The following FHIT variants were observed in gnomAD, a reference collection of about 807,000 sequenced individuals.
FHIT encodes fragile histidine triad diadenosine triphosphatase.
FHIT carries 19 observed loss-of-function variants against 17.9 expected under a neutral mutation model. The observed-to-expected ratio is 1.06, with a 90% confidence interval of 0.74 to 1.56. The LOEUF is 1.56. Among genes scored for constraint, FHIT ranks in the 40% most tolerant of loss-of-function variants. The probability of loss-of-function intolerance (pLI) is 0.00; values close to 1 mark genes in which losing one functional copy is unlikely to be tolerated. For missense variants in FHIT, 248 were observed against 189.2 expected (o/e 1.31, Z -1.82); for synonymous variants, 81 against 69.7 (o/e 1.16, Z -0.81).
chr3:60,946,660 G>T (rs1193272445), intron 3 of FHIT, among the ~76,000 whole-genome samples: 2 of 152,226 alleles, frequency 1.3e-5, no homozygotes, highest in Non-Finnish European at 2.9e-5. Flanking sequence ...GAGTTTTATG[G>T]CATGTGCTTT....
At chr3:59,996,144 C>G (rs1333200420) in intron 7 of FHIT, among the ~76,000 whole-genome samples, 1 of 152,060 alleles carries the variant, frequency 6.6e-6, no homozygotes, top group Non-Finnish European at 1.5e-5. Flanking sequence ...AGAGACCTCC[C>G]CATTCGTGCT....
intron 2 of FHIT, among the ~76,000 whole-genome samples, chr3:61,185,431 C>G (rs1013615368): frequency 2.0e-5 from 3 of 152,190 alleles, no homozygotes; most frequent in African/African-American, 7.2e-5. Flanking sequence ...TGATCATCAT[C>G]ATACGAACTT....
intron 5 of FHIT, among the ~76,000 whole-genome samples, chr3:60,180,216 C>T (rs1043383404): frequency 6.6e-5 from 10 of 152,046 alleles, no homozygotes; most frequent in Non-Finnish European, 1.3e-4. Context: ...AGGAAGATCA[C>T]GGGCAGCAAA....
At position 60,165,115 on chromosome 3, in the gene FHIT, G is replaced by C. The variant is rs569905283; in HGVS notation, c.104-150963C>G. On this transcript the variant is annotated intron_variant, in intron 5 of 9. Coordinates refer to ENST00000492590, the MANE Select transcript of FHIT (RefSeq NM_002012.4). ...TGAGTCAGATGGGAGCCAAAAGGAAGTGATGAGGATGATGACAAACAGGAA... is the reference window on the plus strand; with the variant it reads ...TGAGTCAGATGGGAGCCAAAAGGAACTGATGAGGATGATGACAAACAGGAA... 1.1e-4 allele frequency among the ~76,000 whole-genome samples: 17 copies of C among 152,302 alleles called. No individual in the cohort carries two copies. In the South Asian group the frequency reaches 3.5e-3, roughly 32 times the overall value.
At chr3:59,980,649 T>G (rs924676740) in intron 7 of FHIT, among the ~76,000 whole-genome samples, 1 of 152,114 alleles carries the variant, frequency 6.6e-6, no homozygotes, top group Non-Finnish European at 1.5e-5. Flanking sequence ...GGATAGCTTG[T>G]CCCACAAGGA....
chr3:60,252,219 A>G (rs1274978731), intron 5 of FHIT, among the ~76,000 whole-genome samples: 1 of 152,190 alleles, frequency 6.6e-6, no homozygotes, highest in African/African-American at 2.4e-5. Context: ...GAGAGGAAAT[A>G]AAGTCTACAC....
At chr3:60,692,809 T>G (rs1553699795) in intron 4 of FHIT, among the ~76,000 whole-genome samples, 17 of 152,254 alleles carry the variant, frequency 1.1e-4, no homozygotes. Flanking sequence ...ATTTGCATTC[T>G]TCACATGCAT....
chr3:60,507,156 A>G (rs1023401153), intron 5 of FHIT, among the ~76,000 whole-genome samples: 11 of 152,342 alleles, frequency 7.2e-5, no homozygotes, highest in African/African-American at 2.6e-4. Flanking sequence ...CTGAGGTTTC[A>G]AAAGAGCCCT....
At chr3:60,608,993 G>T (rs2856035) in intron 4 of FHIT, among the ~76,000 whole-genome samples, 134,332 of 151,214 alleles carry the variant, frequency 0.89, 59,700 homozygotes, top group Admixed American at 0.9. Context: ...TTAAATATAT[G>T]AATGCATATG....
chr3:59,835,338 C>A (rs1213527768), intron 8 of FHIT, among the ~76,000 whole-genome samples: 1 of 152,082 alleles, frequency 6.6e-6, no homozygotes, highest in Non-Finnish European at 1.5e-5. Context: ...AGCTTTCTAC[C>A]CTTTCCCGCC....
At chr3:61,140,319 A>C (rs2037043937) in intron 2 of FHIT, among the ~76,000 whole-genome samples, 2 of 152,216 alleles carry the variant, frequency 1.3e-5, no homozygotes, top group African/African-American at 4.8e-5. Context: ...AAGGAAAAAA[A>C]TATAGAATAA....
chr3:60,772,102 T>C (rs1700063304), intron 4 of FHIT, among the ~76,000 whole-genome samples: 1 of 151,932 alleles, frequency 6.6e-6, no homozygotes, highest in Admixed American at 6.6e-5. Flanking sequence ...CCAATAAATA[T>C]GTCTAGACTC....
intron 8 of FHIT, among the ~76,000 whole-genome samples, chr3:59,793,559 CT>C (rs1333852407): frequency 6.6e-6 from 1 of 150,904 alleles, no homozygotes; most frequent in Non-Finnish European, 1.5e-5. Flanking sequence ...AACCTTCCCC[CT>C]CTTCCCCTCT....
chr3:60,621,053 T>C lies in FHIT; in HGVS notation c.-17-84074A>G, dbSNP rs138541869. Among the ~76,000 whole-genome samples the C allele has an allele frequency of 1.1e-3, 175 of 152,176 alleles. 1 individual carries two copies. The highest frequency in any genetic ancestry group is 7.4e-5 in the Non-Finnish European group (5 of 68,014). On this transcript the variant is annotated intron_variant, in intron 4 of 9. Transcript: ENST00000492590. ...TCAGAAGTATCCAGACTAAAACATT[T>C]AACTCCCAAGTGATGTTTTCACACC...
intron 4 of FHIT, among the ~76,000 whole-genome samples, chr3:60,561,850 CT>C (rs2036959564): frequency 1.3e-5 from 2 of 151,424 alleles, no homozygotes; most frequent in South Asian, 2.1e-4. Context: ...AACATTCTCT[CT>C]TTTTTATTGC....
chr3:60,977,660 T>C lies in FHIT; in HGVS notation c.-111+64387A>G, dbSNP rs112396246. On this transcript the variant is annotated intron_variant, in intron 3 of 9. Transcript: ENST00000492590. ...GCTGAGATGGGCAAATCACCTGAGG[T>C]CGGGAGTTCGAGACCAGGCTGACCA... 1.9e-3 allele frequency among the ~76,000 whole-genome samples: 295 copies of C among 152,058 alleles called. 2 individuals are homozygous for C. Among genetic ancestry groups the C allele is most frequent in the African/African-American group, 5.5e-3 (230 of 41,490 alleles).
intron 2 of FHIT, among the ~76,000 whole-genome samples, chr3:61,184,812 G>C (rs144894859): frequency 7.2e-5 from 11 of 152,268 alleles, no homozygotes; most frequent in African/African-American, 2.4e-4. Flanking sequence ...CTAGACCTCA[G>C]AATCCACTCT....
intron 5 of FHIT, among the ~76,000 whole-genome samples, chr3:60,392,793 C>T (rs527330372): frequency 1.1e-3 from 174 of 152,214 alleles, no homozygotes; most frequent in Middle Eastern, 6.8e-3. Flanking sequence ...ATGGGTGGGG[C>T]CCAGTAAAAC....
chr3:60,053,741 C>A (rs1701976169), intron 5 of FHIT, among the ~76,000 whole-genome samples: 1 of 152,066 alleles, frequency 6.6e-6, no homozygotes, highest in Admixed American at 6.6e-5. Flanking sequence ...TTGGCTGTGC[C>A]TCCTTGTGGT....
Sources: allele counts gnomAD v4.1 joint callset (sites outside exome capture counted in the v4.1 genomes callset), GRCh38; gene constraint gnomAD v4.1.1; transcripts MANE v1.5; gene names NCBI Gene and HGNC (gene_info 2026-07-23, HGNC 2026-07-21).